Variants in RPSA2 observed in about 807,000 individuals in gnomAD.
RPSA2 encodes ribosomal protein SA 2, also known as small ribosomal subunit protein uS2B.
the RPSA2 span, among the ~76,000 whole-genome samples, chr19:23,855,720 G>A: frequency 7.9e-5 from 12 of 152,122 alleles, no homozygotes; most frequent in East Asian, 1.9e-4. Context: ...GATTATTGGC[G>A]TCCATGCATG....
the RPSA2 span, chr19:23,842,495 T>G: frequency 2.0e-5 from 3 of 151,402 alleles, no homozygotes; most frequent in East Asian, 5.9e-4. Context: ...AGAGTAAAAT[T>G]AACAATTCTG....
At chr19:23,827,975 G>A in the RPSA2 span, 23 of 887,026 alleles carry the variant, frequency 2.6e-5, no homozygotes, top group South Asian at 8.6e-5. Context: ...CGCTCAGCCT[G>A]CCACGGAAGA....
the RPSA2 span, among the ~76,000 whole-genome samples, chr19:23,788,797 C>T: frequency 6.6e-6 from 1 of 152,124 alleles, no homozygotes; most frequent in African/African-American, 2.4e-5. Context: ...CCACAGGTGG[C>T]CTTGTGACAT....
At chr19:23,798,441 T>G in the RPSA2 span, among the ~76,000 whole-genome samples, 173 of 152,310 alleles carry the variant, frequency 1.1e-3, 3 homozygotes, top group East Asian at 0.031. Context: ...ATGTGTGGTG[T>G]TGTTAGACAA....
the RPSA2 span, among the ~76,000 whole-genome samples, chr19:23,860,139 A>G: frequency 1.3e-5 from 2 of 152,174 alleles, no homozygotes; most frequent in Non-Finnish European, 2.9e-5. Flanking sequence ...AGCTGCTCAT[A>G]TTACAGCCCT....
the RPSA2 span, among the ~76,000 whole-genome samples, chr19:23,835,551 C>G: frequency 3.3e-5 from 5 of 152,054 alleles, no homozygotes; most frequent in African/African-American, 1.2e-4. Context: ...CATGCAAATT[C>G]TCTGTTTTAA....
At chr19:23,761,922 T>TCC in the RPSA2 span, among the ~76,000 whole-genome samples, 1,883 of 98,722 alleles carry the variant, frequency 0.019, 187 homozygotes, top group East Asian at 0.036. Context: ...CTTTCTTTCT[T>TCC]TTTTTTTTTT....
the RPSA2 span, among the ~76,000 whole-genome samples, chr19:23,786,101 G>A: frequency 6.6e-6 from 1 of 152,190 alleles, no homozygotes; most frequent in African/African-American, 2.4e-5. Flanking sequence ...CAGTACTTTA[G>A]CGGGTGAAAA....
chr19:23,800,203 TA>T, the RPSA2 span, among the ~76,000 whole-genome samples: 13 of 93,656 alleles, frequency 1.4e-4, no homozygotes, highest in South Asian at 3.7e-4. Flanking sequence ...TTTTTTATTT[TA>T]TTTTATTTTT....
chr19:23,775,128 G>A, the RPSA2 span, among the ~76,000 whole-genome samples: 2 of 152,218 alleles, frequency 1.3e-5, no homozygotes, highest in African/African-American at 4.8e-5. Context: ...GAAGCCCCGG[G>A]TGGTACAGAG....
At chr19:23,771,643 C>CAT in the RPSA2 span, among the ~76,000 whole-genome samples, 1 of 152,024 alleles carries the variant, frequency 6.6e-6, no homozygotes, top group African/African-American at 2.4e-5. Flanking sequence ...TTCTTTTGTC[C>CAT]TAGTGCTTTT....
At chr19:23,795,890 A>G in the RPSA2 span, among the ~76,000 whole-genome samples, 3,332 of 152,146 alleles carry the variant, frequency 0.022, 130 homozygotes, top group African/African-American at 0.076. Context: ...TTCTCTTTCC[A>G]CAGCCTGTAA....
At chr19:23,770,753 G>A in the RPSA2 span, among the ~76,000 whole-genome samples, 1 of 152,228 alleles carries the variant, frequency 6.6e-6, no homozygotes, top group Non-Finnish European at 1.5e-5. Flanking sequence ...TCTGCTGACT[G>A]TATTCTGCTT....
the RPSA2 span, among the ~76,000 whole-genome samples, chr19:23,840,995 A>C: frequency 6.7e-6 from 1 of 149,194 alleles, no homozygotes. Context: ...AAGACAAAAC[A>C]TGGACATCGT....
chr19:23,784,177 C>A, the RPSA2 span, among the ~76,000 whole-genome samples: 1 of 152,210 alleles, frequency 6.6e-6, no homozygotes, highest in Non-Finnish European at 1.5e-5. Flanking sequence ...AAAGAATATC[C>A]TGGCTCTTCT....
the RPSA2 span, among the ~76,000 whole-genome samples, chr19:23,868,118 C>G: frequency 6.6e-6 from 1 of 152,294 alleles, no homozygotes; most frequent in Non-Finnish European, 1.5e-5. Context: ...TATTAGTGCA[C>G]AAATTAAACC....
the RPSA2 span, chr19:23,823,807 GA>G: frequency 6.6e-6 from 1 of 152,544 alleles, no homozygotes; most frequent in East Asian, 1.9e-4. Context: ...TGCTGTCTGG[GA>G]GGGGCACTGG....
the RPSA2 span, among the ~76,000 whole-genome samples, chr19:23,764,880 A>C: frequency 2.0e-5 from 3 of 151,596 alleles, no homozygotes; most frequent in Non-Finnish European, 4.4e-5. Flanking sequence ...CTTTGGGTTG[A>C]AGTTTTGCTT....
At chr19:23,795,571 C>A in the RPSA2 span, among the ~76,000 whole-genome samples, 1 of 151,908 alleles carries the variant, frequency 6.6e-6, no homozygotes, top group Non-Finnish European at 1.5e-5. Flanking sequence ...AGAGTTTTTC[C>A]ACCAAGACTA....
Sources: allele counts gnomAD v4.1 joint callset (sites outside exome capture counted in the v4.1 genomes callset), GRCh38; gene constraint gnomAD v4.1.1; transcripts MANE v1.5; gene names NCBI Gene and HGNC (gene_info 2026-07-23, HGNC 2026-07-21).